PRKCE: variants seen among roughly 807,000 people sequenced by gnomAD.
PRKCE encodes protein kinase C epsilon.
PRKCE carries 16 observed loss-of-function variants against 85.4 expected under a neutral mutation model. The observed-to-expected ratio is 0.19, with a 90% CI of 0.13 to 0.28. PRKCE has a LOEUF of 0.28. Ranked by LOEUF, PRKCE falls within the 10% of genes least tolerant of loss-of-function variation. The probability of loss-of-function intolerance (pLI) is 1.00; values close to 1 mark genes in which losing one functional copy is unlikely to be tolerated. For synonymous variants in PRKCE, 388 were observed against 371.5 expected (o/e 1.04, Z -0.51); for missense variants, 573 against 975.2 (o/e 0.59, Z 5.49).
intron 2 of PRKCE, among the ~76,000 whole-genome samples, chr2:45,863,326 C>T (rs139423229): frequency 1.3e-5 from 2 of 152,234 alleles, no homozygotes; most frequent in African/African-American, 4.8e-5. Flanking sequence ...TAGGAAAACT[C>T]TTTTGTACCC....
intron 7 of PRKCE, among the ~76,000 whole-genome samples, chr2:46,002,195 T>A (rs1704744719): frequency 6.6e-6 from 1 of 152,232 alleles, no homozygotes; most frequent in African/African-American, 2.4e-5. Context: ...CCGTAGCATT[T>A]CATTTGTAGG....
chr2:45,706,812 G>T (rs10495926), intron 1 of PRKCE, among the ~76,000 whole-genome samples: 6,015 of 152,268 alleles, frequency 0.04, 254 homozygotes, highest in East Asian at 0.15. Context: ...TCAATAGCAA[G>T]AAATACCTTT....
At chr2:46,100,954 C>T (rs758594822) in intron 11 of PRKCE, among the ~76,000 whole-genome samples, 17 of 152,086 alleles carry the variant, frequency 1.1e-4, no homozygotes, top group Admixed American at 2.6e-4. Flanking sequence ...CTGCAACCTC[C>T]GCCTCCCAGG....
At chr2:45,871,052 T>C (rs1558776236) in intron 2 of PRKCE, among the ~76,000 whole-genome samples, 1 of 152,232 alleles carries the variant, frequency 6.6e-6, no homozygotes, top group Non-Finnish European at 1.5e-5. Flanking sequence ...CTCAAAGTAG[T>C]GGTTGCTCCA....
chr2:45,731,294 G>A (rs1250833003), intron 1 of PRKCE, among the ~76,000 whole-genome samples: 1 of 152,188 alleles, frequency 6.6e-6, no homozygotes, highest in Non-Finnish European at 1.5e-5. Flanking sequence ...CACTTAGACA[G>A]AGCAGCTCCA....
At chr2:46,168,640 A>G (rs1678578734) in intron 14 of PRKCE, among the ~76,000 whole-genome samples, 2 of 152,226 alleles carry the variant, frequency 1.3e-5, no homozygotes, top group South Asian at 4.1e-4. Context: ...AAAAGCTTCG[A>G]TGGCAGAAGA....
Position 45,950,686 on chromosome 2 carries a change from C to T in PRKCE, c.413-25743C>T, listed in dbSNP as rs769301674. ...GGAGTGAAAAAGGTTACTTCAAGCA[C>T]GCAGAGGGCAAAGCGAGAGATGGAT... On this transcript the variant is annotated intron_variant, in intron 2 of 14. Coordinates refer to ENST00000306156, the MANE Select transcript of PRKCE (RefSeq NM_005400.3). 4.6e-5 allele frequency among the ~76,000 whole-genome samples: 7 copies of T among 152,094 alleles called. No homozygotes were observed. In the East Asian group the frequency reaches 1.4e-3, roughly 29 times the overall value.
At chr2:46,034,490 C>T (rs955866071) in intron 10 of PRKCE, among the ~76,000 whole-genome samples, 1 of 152,192 alleles carries the variant, frequency 6.6e-6, no homozygotes, top group African/African-American at 2.4e-5. Flanking sequence ...ATTTTGAAAA[C>T]ATTGCATATA....
intron 1 of PRKCE, among the ~76,000 whole-genome samples, chr2:45,771,702 CGTGTGTGT>C (rs61209033): frequency 6.8e-5 from 10 of 146,812 alleles, no homozygotes; most frequent in South Asian, 4.4e-4. Context: ...CAGAGTGGGG[CGTGTGTGT>C]GTGTGTGTGT....
At chr2:45,747,956 C>T (rs1349924896) in intron 1 of PRKCE, among the ~76,000 whole-genome samples, 7 of 152,054 alleles carry the variant, frequency 4.6e-5, no homozygotes, top group African/African-American at 7.2e-5. Flanking sequence ...GCTTACTGGC[C>T]ACCTGTATAT....
intron 2 of PRKCE, among the ~76,000 whole-genome samples, chr2:45,917,840 C>T (rs547629020): frequency 5.9e-5 from 9 of 152,324 alleles, no homozygotes; most frequent in Non-Finnish European, 1.2e-4. Flanking sequence ...TAAGGCCCGG[C>T]GAGAAATCGA....
At chr2:45,976,402 T>G in intron 2 of PRKCE, 27 bp from the exon 3 acceptor site, 1 of 1,593,988 alleles carries the variant, frequency 6.3e-7, no homozygotes, top group Non-Finnish European at 8.5e-7. Context: ...AGACTCCGTT[T>G]TCTTCCCTGC....
chr2:46,059,988 T>C (rs950648963), intron 10 of PRKCE, among the ~76,000 whole-genome samples: 2 of 152,234 alleles, frequency 1.3e-5, no homozygotes, highest in Admixed American at 6.5e-5. Context: ...ATTTTCTTAT[T>C]GCTTTGTGCT....
At chr2:45,938,041 C>T (rs942014822) in intron 2 of PRKCE, among the ~76,000 whole-genome samples, 2 of 152,178 alleles carry the variant, frequency 1.3e-5, no homozygotes, top group Non-Finnish European at 2.9e-5. Context: ...CTCAGAGGGT[C>T]CCGACCCTTC....
At chr2:45,938,281 G>A (rs548638256) in intron 2 of PRKCE, among the ~76,000 whole-genome samples, 1 of 152,182 alleles carries the variant, frequency 6.6e-6, no homozygotes, top group African/African-American at 2.4e-5. Context: ...TTGGCTGGAG[G>A]GGGGCTATCT....
chr2:45,712,137 C>CTTTTTT lies in PRKCE; in HGVS notation c.348+59711_348+59716dup, dbSNP rs34233761. 7.0e-4 allele frequency among the ~76,000 whole-genome samples: 32 copies of CTTTTTT among 45,838 alleles called. 8 individuals carry two copies. The highest frequency in any genetic ancestry group is 1.1e-3 in the Non-Finnish European group (30 of 27,112). The allele number at this position is 45,838 out of a possible 152,430, so 30.1% of individuals were successfully genotyped here. On this transcript the variant is annotated intron_variant, in intron 1 of 14. Coordinates refer to ENST00000306156, the MANE Select transcript of PRKCE (RefSeq NM_005400.3). ...ACCTCTTGCCACTCTACGGCCTGTC[C>CTTTTTT]TTTTTTTTTTTTTTTTTTTTTTTTT...
chr2:45,928,085 C>A (rs1307479573), intron 2 of PRKCE, among the ~76,000 whole-genome samples: 1 of 152,082 alleles, frequency 6.6e-6, no homozygotes, highest in Non-Finnish European at 1.5e-5. Context: ...TTCAAGGATT[C>A]CCTTTCACCT....
In PRKCE at chr2:46,039,899, C is replaced by T. The variant is rs903995073; in HGVS notation, c.1437+29382C>T. ...CAGTGGGGTTATTTGTGGGTCTCCG[C>T]ACCATCCTAGATTTATTTCTCTGCT... On this transcript the variant is annotated intron_variant, in intron 10 of 14. Transcript: ENST00000306156. Among the ~76,000 whole-genome samples, 5 of 152,192 alleles carry T rather than the reference C, an allele frequency of 3.3e-5. 1 individual carries two copies. The highest frequency in any genetic ancestry group is 6.5e-5 in the Admixed American group (1 of 15,280).
chr2:45,818,958 T>C (rs1313747622), intron 1 of PRKCE, among the ~76,000 whole-genome samples: 1 of 152,090 alleles, frequency 6.6e-6, no homozygotes, highest in Non-Finnish European at 1.5e-5. Context: ...GATGTGATGT[T>C]TGAAGTGTTA....
Sources: allele counts gnomAD v4.1 joint callset (sites outside exome capture counted in the v4.1 genomes callset), GRCh38; gene constraint gnomAD v4.1.1; transcripts MANE v1.5; gene names NCBI Gene and HGNC (gene_info 2026-07-23, HGNC 2026-07-21).